ZMAT4: variants seen among roughly 807,000 people sequenced by gnomAD.
ZMAT4 encodes the protein zinc finger matrin-type 4, also known as zinc finger matrin-type protein 4.
Under a neutral mutation model 28.7 loss-of-function variants are expected in ZMAT4, and 17 were observed. The observed-to-expected ratio is 0.59, with a 90% confidence interval of 0.41 to 0.89. The LOEUF (loss-of-function observed/expected upper bound fraction) is 0.89, where lower values mean the gene tolerates loss of function less well. Ranked by LOEUF, ZMAT4 falls within the 40% of genes least tolerant of loss-of-function variation. The pLI is 0.00. For missense variants in ZMAT4, 240 were observed against 283.8 expected (o/e 0.85, Z 1.11); for synonymous variants, 117 against 109.2 (o/e 1.07, Z -0.44).
chr8:40,886,599 C>G (rs1214976948), intron 1 of ZMAT4, among the ~76,000 whole-genome samples: 2 of 152,200 alleles, frequency 1.3e-5, no homozygotes, highest in Non-Finnish European at 2.9e-5. Context: ...TTCTTTCTTT[C>G]TGGTTTGTGT....
At chr8:40,759,628 C>A (rs919108452) in intron 3 of ZMAT4, among the ~76,000 whole-genome samples, 15 of 152,146 alleles carry the variant, frequency 9.9e-5, no homozygotes, top group Non-Finnish European at 2.2e-4. Context: ...GACGTTTAAG[C>A]CACCTAGGCT....
At chr8:40,783,135 C>A (rs1033536554) in intron 2 of ZMAT4, among the ~76,000 whole-genome samples, 1 of 152,206 alleles carries the variant, frequency 6.6e-6, no homozygotes, top group Non-Finnish European at 1.5e-5. Flanking sequence ...TCATAATAAT[C>A]AGTATGTGGA....
Position 40,588,267 on chromosome 8 carries a change from G to T in ZMAT4, c.578-7006C>A, listed in dbSNP as rs562180637. Among the ~76,000 whole-genome samples, 8 of 152,070 alleles carry T rather than the reference G, an allele frequency of 5.3e-5. No homozygotes were observed. In the East Asian group the frequency reaches 1.5e-3, roughly 29 times the overall value. ...AACAAAAAGTATTGACTCTTACAAA[G>T]TGACAAATTAGATTTTATAAAAAGC... On this transcript the variant is annotated intron_variant, in intron 5 of 6. Transcript: ENST00000297737.
rs532516425 is a variant in ZMAT4, at chr8:40,813,779, G to A, written c.102+11796C>T. 6.5e-4 allele frequency among the ~76,000 whole-genome samples: 99 copies of A among 152,314 alleles called. 1 individual carries two copies. The highest frequency in any genetic ancestry group is 8.5e-4 in the Admixed American group (13 of 15,302). ...AAAACATCAATGGGAAGGATTTCTC[G>A]GACCAGAAGGCAGGGAAATTTCCCA... On this transcript the variant is annotated intron_variant, in intron 2 of 6. Transcript: ENST00000297737.
At chr8:40,699,757 C>T (rs551946589) in intron 3 of ZMAT4, among the ~76,000 whole-genome samples, 9 of 152,306 alleles carry the variant, frequency 5.9e-5, no homozygotes, top group Admixed American at 2.0e-4. Flanking sequence ...TAGGTCAAAG[C>T]GTGTAATTTT....
chr8:40,876,976 C>A (rs1052771586), intron 1 of ZMAT4, among the ~76,000 whole-genome samples: 7 of 152,160 alleles, frequency 4.6e-5, no homozygotes, highest in Non-Finnish European at 1.0e-4. Flanking sequence ...ATGTTAATAT[C>A]CTAGCCTCCA....
At chr8:40,624,416 A>G (rs2589876) in intron 5 of ZMAT4, among the ~76,000 whole-genome samples, 94,473 of 151,618 alleles carry the variant, frequency 0.62, 30,727 homozygotes, top group East Asian at 0.81. Flanking sequence ...CCGTCAGAAA[A>G]TAAAGATCAG....
At chr8:40,545,611 G>A (rs1034776667) in intron 6 of ZMAT4, among the ~76,000 whole-genome samples, 2 of 152,138 alleles carry the variant, frequency 1.3e-5, no homozygotes, top group Admixed American at 1.3e-4. Context: ...TGTACAAGAA[G>A]AAAGCCATGT....
chr8:40,628,619 G>C (rs1454439424), intron 5 of ZMAT4, among the ~76,000 whole-genome samples: 1 of 149,862 alleles, frequency 6.7e-6, no homozygotes, highest in Non-Finnish European at 1.5e-5. Flanking sequence ...GTGAAATTTT[G>C]TGTGGAAAGG....
At chr8:40,895,486 T>A (rs1402452724) in intron 1 of ZMAT4, among the ~76,000 whole-genome samples, 2 of 152,090 alleles carry the variant, frequency 1.3e-5, no homozygotes, top group Non-Finnish European at 2.9e-5. Flanking sequence ...CTAGGATCCT[T>A]TTTTGGTCTA....
At chr8:40,765,866 G>A (rs1032401156) in intron 3 of ZMAT4, among the ~76,000 whole-genome samples, 4 of 152,140 alleles carry the variant, frequency 2.6e-5, no homozygotes, top group African/African-American at 7.2e-5. Flanking sequence ...TTATATGAAA[G>A]GATTCAGATC....
At chr8:40,734,563 G>C (rs959396898) in intron 3 of ZMAT4, among the ~76,000 whole-genome samples, 3 of 152,164 alleles carry the variant, frequency 2.0e-5, no homozygotes, top group Non-Finnish European at 4.4e-5. Context: ...AGTAGAAGTA[G>C]CCTGTCGGCA....
intron 4 of ZMAT4, among the ~76,000 whole-genome samples, chr8:40,687,883 T>A (rs1809486097): frequency 6.6e-6 from 1 of 152,160 alleles, no homozygotes; most frequent in African/African-American, 2.4e-5. Context: ...ACAGCAAGAA[T>A]TCACGGGTAG....
rs146870251 is a variant in ZMAT4, at chr8:40,675,517, T to C, written c.350-586A>G. 1.6e-3 allele frequency among the ~76,000 whole-genome samples: 249 copies of C among 152,316 alleles called. 3 individuals carry two copies. The highest frequency in any genetic ancestry group is 5.7e-3 in the African/African-American group (237 of 41,578). On this transcript the variant is annotated intron_variant, in intron 4 of 6. Coordinates refer to ENST00000297737, the MANE Select transcript of ZMAT4 (RefSeq NM_024645.3). Reference sequence around the variant, plus strand: ...TGTGTATAACACTAAAAATAAATATTGGATAAAATGCAACTAAATAAATAA... The same window carrying C: ...TGTGTATAACACTAAAAATAAATATCGGATAAAATGCAACTAAATAAATAA...
chr8:40,686,071 A>T (rs532422522), intron 4 of ZMAT4, among the ~76,000 whole-genome samples: 1 of 152,148 alleles, frequency 6.6e-6, no homozygotes. Flanking sequence ...CATTCATTCA[A>T]CTATGTTCTG....
chr8:40,632,266 G>T (rs1240056191), intron 5 of ZMAT4, among the ~76,000 whole-genome samples: 1 of 152,132 alleles, frequency 6.6e-6, no homozygotes, highest in Non-Finnish European at 1.5e-5. Context: ...GGAGCAAAGG[G>T]CAAGAAAATG....
chr8:40,650,037 C>T (rs1362265356), intron 5 of ZMAT4, among the ~76,000 whole-genome samples: 9 of 151,926 alleles, frequency 5.9e-5, no homozygotes, highest in East Asian at 3.9e-4. Flanking sequence ...AAAGCAAACA[C>T]GTTCAAAAGC....
At chr8:40,680,701 TACAC>T (rs71224844) in intron 4 of ZMAT4, among the ~76,000 whole-genome samples, 58 of 86,934 alleles carry the variant, frequency 6.7e-4, no homozygotes, top group East Asian at 1.1e-3. Context: ...ATGTCTAATG[TACAC>T]ACACACACAC....
intron 2 of ZMAT4, among the ~76,000 whole-genome samples, chr8:40,801,174 G>T (rs1814812793): frequency 6.6e-6 from 1 of 151,246 alleles, no homozygotes; most frequent in Non-Finnish European, 1.5e-5. Flanking sequence ...CACACAAGAA[G>T]AAATAGATAA....
Sources: gnomAD v4.1 joint callset for allele counts (sites outside exome capture counted in the v4.1 genomes callset) on GRCh38, gnomAD v4.1.1 for gene constraint, MANE v1.5 for transcripts, NCBI Gene and HGNC (gene_info 2026-07-23, HGNC 2026-07-21) for gene names.